Variants in KANK1 observed in about 807,000 individuals in gnomAD.
KANK1 encodes the protein KN motif and ankyrin repeat domain-containing protein 1.
In KANK1, 109 loss-of-function variants were observed where a neutral mutation model predicts 106.2. The ratio of observed to expected loss-of-function variants is 1.03; its 90% CI spans 0.88 to 1.20. The LOEUF (loss-of-function observed/expected upper bound fraction) is 1.20, where lower values mean the gene tolerates loss of function less well. Ranked by LOEUF, KANK1 falls within the 50% of genes most tolerant of loss-of-function variation. The probability of loss-of-function intolerance (pLI) is 0.00; values close to 1 mark genes in which losing one functional copy is unlikely to be tolerated. For missense variants in KANK1, 2,399 were observed against 1,710.7 expected (o/e 1.40, Z -7.10); for synonymous variants, 873 against 652.2 (o/e 1.34, Z -5.16).
rs181559879 is a variant in KANK1 at position 701,506 on chromosome 9, A to G, written c.38-9298A>G. 1.6e-4 allele frequency among the ~76,000 whole-genome samples: 24 copies of G among 152,312 alleles called. No individual in the cohort carries two copies. The East Asian group carries it at 4.2e-3, about 27-fold the overall frequency. On this transcript the variant is annotated intron_variant, in intron 2 of 11. Transcript: ENST00000382297. ...CTTTCTCAGCCTCAGCGCTACTGAC[A>G]TTATGAGCTAGATAATTCTTTGTTG...
chr9:577,049 A>G lies in KANK1; in HGVS notation c.-84+72295A>G, dbSNP rs550948595. Among the ~76,000 whole-genome samples the G allele has an allele frequency of 9.9e-4, 151 of 152,236 alleles. 2 individuals carry two copies. The highest frequency in any genetic ancestry group is 3.4e-3 in the African/African-American group (143 of 41,548). On this transcript the variant is annotated intron_variant, in intron 1 of 11. Coordinates refer to ENST00000382297, the MANE Select transcript of KANK1 (RefSeq NM_015158.5). Reference sequence around the variant, plus strand: ...GGTTCATGGCCTCGCTGACTTGAGGAGTGAATCTGCAGACCTTTGCAGTGT... The same window carrying G: ...GGTTCATGGCCTCGCTGACTTGAGGGGTGAATCTGCAGACCTTTGCAGTGT...
At chr9:640,189 AG>A (rs1838083540) in intron 1 of KANK1, among the ~76,000 whole-genome samples, 1 of 152,170 alleles carries the variant, frequency 6.6e-6, no homozygotes, top group Admixed American at 6.5e-5. Context: ...CTGCTCAGGC[AG>A]GGGTAGTCCA....
rs1242476482 is a variant in KANK1, at chr9:745,569, A to T, written c.*334A>T. The T allele has an allele frequency of 5.5e-6, 1 of 181,660 alleles. No individual in the cohort carries two copies. Among genetic ancestry groups the T allele is most frequent in the Admixed American group, 6.2e-5 (1 of 16,122 alleles). The allele number at this position is 181,660 out of a possible 1,614,324, so 11.3% of individuals were successfully genotyped here. ...AAAGTGGTGTCTGGTTCTCACTGAGACGTTTTAAGATTTTTCCACAAATAT... is the reference window on the plus strand; with the variant it reads ...AAAGTGGTGTCTGGTTCTCACTGAGTCGTTTTAAGATTTTTCCACAAATAT... On this transcript the variant is annotated 3_prime_UTR_variant, in exon 12 of 12. Transcript: ENST00000382297.
intron 1 of KANK1, among the ~76,000 whole-genome samples, chr9:640,578 G>A (rs2137123210): frequency 6.6e-6 from 1 of 151,644 alleles, no homozygotes; most frequent in African/African-American, 2.4e-5. Context: ...TTGTATTTTT[G>A]TACAGATGGG....
At chr9:613,120 C>T (rs1003837345) in intron 1 of KANK1, among the ~76,000 whole-genome samples, 3 of 151,898 alleles carry the variant, frequency 2.0e-5, no homozygotes, top group African/African-American at 7.3e-5. Flanking sequence ...TGTAAAAGAT[C>T]TTGTAAGTAG....
rs529577612 is a variant in KANK1 at position 723,314 on chromosome 9, T to C, written c.2699-6737T>C. On this transcript the variant is annotated intron_variant, in intron 3 of 11. Transcript: ENST00000382297. The stretch of plus-strand genomic sequence containing the variant: ...AAGTAAGCTGTGGTGAGAAAAATTA[T>C]AGCACCTGGTATTCCTGGGTGACAC... 1.9e-4 allele frequency among the ~76,000 whole-genome samples: 29 copies of C among 152,248 alleles called. No homozygotes were observed. The South Asian group carries it at 6.0e-3, about 32-fold the overall frequency.
intron 1 of KANK1, among the ~76,000 whole-genome samples, chr9:664,033 A>G (rs1485933726): frequency 6.6e-6 from 1 of 151,958 alleles, no homozygotes; most frequent in African/African-American, 2.4e-5. Context: ...GTGTTGTGGG[A>G]GGGACTCGAT....
intron 3 of KANK1, among the ~76,000 whole-genome samples, chr9:475,504 A>C (rs908269864): frequency 1.3e-5 from 2 of 151,408 alleles, no homozygotes; most frequent in Admixed American, 6.6e-5. Context: ...ATAAATTTTC[A>C]CTCCTGCTTG....
intron 1 of KANK1, among the ~76,000 whole-genome samples, chr9:654,904 G>C (rs1362125641): frequency 2.0e-5 from 3 of 152,094 alleles, no homozygotes; most frequent in Admixed American, 1.3e-4. Context: ...GTTCCCTAGT[G>C]ATGGTGATGC....
rs1053959450 is a variant in KANK1, at chr9:705,966, A to G, written c.38-4838A>G. ...CTTATAGTCTGGTACAAAAGACAAAAAAGTGTTTTCGTCTTGTTAAAGTTG... is the reference window on the plus strand; with the variant it reads ...CTTATAGTCTGGTACAAAAGACAAAGAAGTGTTTTCGTCTTGTTAAAGTTG... On this transcript the variant is annotated intron_variant, in intron 2 of 11. Transcript: ENST00000382297. 2.0e-5 allele frequency among the ~76,000 whole-genome samples: 3 copies of G among 152,092 alleles called. No homozygotes were observed. The East Asian group carries it at 5.8e-4, about 29-fold the overall frequency.
At chr9:579,180 C>T (rs1400720234) in intron 1 of KANK1, among the ~76,000 whole-genome samples, 1 of 152,106 alleles carries the variant, frequency 6.6e-6, no homozygotes, top group East Asian at 1.9e-4. Context: ...GGCTGGTGCC[C>T]TCCACGTAGC....
intron 3 of KANK1, among the ~76,000 whole-genome samples, chr9:476,996 A>G (rs10974726): frequency 0.052 from 7,948 of 152,198 alleles, 280 homozygotes; most frequent in South Asian, 0.11. Flanking sequence ...CATCTGTTCA[A>G]TGGGGATATG....
rs757864343 is a variant in KANK1 at position 738,454 on chromosome 9, AC to A, written c.3504del (p.Tyr1168Ter). On this transcript the variant is annotated frameshift_variant, in exon 8 of 12. Transcript: ENST00000382297. LOFTEE classifies it high-confidence loss of function. ...GGCAACGGCAACACAGCCCTCCATT[AC>A]AGCGTGTCCCACTCCAACTTCGAGA... ...ADGNGNTALH[Y>X]SVSHSNFEIV... 1 of 1,614,132 alleles carries A rather than the reference AC, an allele frequency of 6.2e-7. No individual in the cohort carries two copies. The highest frequency in any genetic ancestry group is 1.1e-5 in the South Asian group (1 of 91,070).
intron 1 of KANK1, among the ~76,000 whole-genome samples, chr9:559,401 T>TAA (rs3832615): frequency 0.49 from 73,463 of 148,812 alleles, 21,700 homozygotes; most frequent in Non-Finnish European, 0.68. Flanking sequence ...TTGGAGAGGT[T>TAA]AAAAAAAAAA....
At chr9:670,861 G>C (rs1301692344) in intron 1 of KANK1, among the ~76,000 whole-genome samples, 1 of 151,724 alleles carries the variant, frequency 6.6e-6, no homozygotes, top group African/African-American at 2.4e-5. Flanking sequence ...ATCTGAGTTG[G>C]GGGAAGTTTT....
rs550033594 is a variant in KANK1, at chr9:494,841, G to A, written c.-362+21568G>A. 2.0e-5 allele frequency among the ~76,000 whole-genome samples: 3 copies of A among 152,050 alleles called. No homozygotes were observed. The South Asian group carries it at 6.2e-4, about 32-fold the overall frequency. ...AATAATAACTGGCACAATAAAAATA[G>A]TGCAAATTAGCTGGGCAGTGTAGTG... is the stretch of plus-strand genomic sequence containing the variant. On this transcript the variant is annotated intron_variant, in intron 3 of 15. Coordinates refer to the KANK1 transcript ENST00000382303.
At chr9:709,382 T>A (rs972379804) in intron 2 of KANK1, among the ~76,000 whole-genome samples, 1 of 152,172 alleles carries the variant, frequency 6.6e-6, no homozygotes, top group African/African-American at 2.4e-5. Context: ...CTGAGTGCCC[T>A]TGACCTCCAT....
At position 713,477 on chromosome 9, in the gene KANK1, C is replaced by T. The variant is rs755914210; in HGVS notation, c.2698+13C>T. On this transcript the variant is annotated intron_variant, in intron 3 of 11. Coordinates refer to ENST00000382297, the MANE Select transcript of KANK1 (RefSeq NM_015158.5). ...GGTAAAATCACAGGTAGGTGGTACCCTGAGGACCTGGGAATGAGGAAGGAT... is the reference window on the plus strand; with the variant it reads ...GGTAAAATCACAGGTAGGTGGTACCTTGAGGACCTGGGAATGAGGAAGGAT... 5.2e-6 allele frequency: 8 copies of T among 1,538,662 alleles called. No individual in the cohort carries two copies. In the Admixed American group the frequency reaches 8.6e-5, roughly 17 times the overall value.
At position 734,798 on chromosome 9, in the gene KANK1, C is replaced by A. The variant is rs867353485; in HGVS notation, c.3296C>A (p.Thr1099Asn). Residue 1099 changes from threonine (T) to asparagine (N), a missense_variant, in exon 7 of 12, where the codon ACT becomes AAT. By Grantham distance (65) the Thr-to-Asn change is moderately conservative. Transcript: ENST00000382297. ...MLSACNLLKN[T>N]INDPKALTSK... ...TCTGCATGCAACTTACTGAAAAATA[C>A]TATAAATGACCCCAAAGCTTTGACC... is the stretch of plus-strand genomic sequence containing the variant. The A allele has an allele frequency of 6.2e-7, 1 of 1,613,720 alleles. No individual in the cohort carries two copies. The highest frequency in any genetic ancestry group is 1.3e-5 in the African/African-American group (1 of 75,026).
Sources: allele counts gnomAD v4.1 joint callset (sites outside exome capture counted in the v4.1 genomes callset), GRCh38; gene constraint gnomAD v4.1.1; transcripts MANE v1.5; gene names NCBI Gene and HGNC (gene_info 2026-07-23, HGNC 2026-07-21).